Variants in DOCK5 observed in about 807,000 individuals in gnomAD.
DOCK5 encodes the protein dedicator of cytokinesis 5, also known as dedicator of cytokinesis protein 5.
DOCK5 carries 142 observed loss-of-function variants against 251.8 expected under a neutral mutation model. That is an observed-to-expected ratio of 0.56 (90% confidence interval 0.49 to 0.65). DOCK5 has a LOEUF of 0.65. Among genes scored for constraint, DOCK5 ranks in the 30% least tolerant of loss-of-function variants. DOCK5 has a pLI of 0.00. For synonymous variants in DOCK5, 842 were observed against 835.5 expected (o/e 1.01, Z -0.13); for missense variants, 2,111 against 2,312.3 (o/e 0.91, Z 1.79).
intron 1 of DOCK5, among the ~76,000 whole-genome samples, chr8:25,234,361 T>C (rs1455074788): frequency 6.6e-6 from 1 of 152,214 alleles, no homozygotes; most frequent in Admixed American, 6.5e-5. Flanking sequence ...TTAGATCTGT[T>C]CACCTTTTGT....
chr8:25,373,311 C>T (rs527618004), intron 35 of DOCK5, among the ~76,000 whole-genome samples: 3 of 152,210 alleles, frequency 2.0e-5, no homozygotes, highest in East Asian at 3.9e-4. Context: ...TAGGTTATTT[C>T]TTTAGTGGTG....
chr8:25,312,761 C>CAAAA (rs3085652), intron 13 of DOCK5, among the ~76,000 whole-genome samples: 7 of 113,830 alleles, frequency 6.1e-5, no homozygotes, highest in East Asian at 2.5e-4. Context: ...GACTCCGTCT[C>CAAAA]AAAAAAAAAA....
At chr8:25,356,180 CAG>C (rs1489007316) in intron 27 of DOCK5, among the ~76,000 whole-genome samples, 2 of 152,048 alleles carry the variant, frequency 1.3e-5, no homozygotes, top group African/African-American at 4.8e-5. Context: ...AGCCTGGTGA[CAG>C]AGCGAGACTC....
chr8:25,400,489 C>A (rs1563231584), intron 46 of DOCK5, among the ~76,000 whole-genome samples: 1 of 3,604 alleles, frequency 2.8e-4, no homozygotes, highest in Non-Finnish European at 4.2e-3. Flanking sequence ...CAGAGTGAGA[C>A]TCCATCTCAA....
intron 2 of DOCK5, among the ~76,000 whole-genome samples, chr8:25,245,800 C>G (rs145893608): frequency 6.6e-6 from 1 of 151,994 alleles, no homozygotes; most frequent in East Asian, 1.9e-4. Context: ...TTGGCCTCCC[C>G]AAGTACTGGA....
chr8:25,324,651 T>G (rs1805514618), intron 17 of DOCK5, among the ~76,000 whole-genome samples: 1 of 152,242 alleles, frequency 6.6e-6, no homozygotes, highest in Non-Finnish European at 1.5e-5. Flanking sequence ...TTGTCCCCAT[T>G]TTTTAATTAC....
chr8:25,361,821 T>C (rs527689151), intron 28 of DOCK5, among the ~76,000 whole-genome samples: 1 of 152,234 alleles, frequency 6.6e-6, no homozygotes, highest in African/African-American at 2.4e-5. Context: ...GTTACCCAGC[T>C]TGACCAGCAT....
intron 35 of DOCK5, 75 bp from the exon 36 acceptor site, chr8:25,373,543 T>C: frequency 3.6e-6 from 5 of 1,376,308 alleles, no homozygotes; most frequent in Non-Finnish European, 5.0e-6. Flanking sequence ...AAAGCAACAA[T>C]AGTGGTTTGT....
At chr8:25,265,171 C>T (rs1309375196) in intron 2 of DOCK5, among the ~76,000 whole-genome samples, 1 of 151,858 alleles carries the variant, frequency 6.6e-6, no homozygotes, top group East Asian at 1.9e-4. Context: ...CACCAGGGGA[C>T]CTTTTAGAAG....
chr8:25,321,520 C>A (rs1301595251), intron 16 of DOCK5, among the ~76,000 whole-genome samples: 1 of 152,162 alleles, frequency 6.6e-6, no homozygotes, highest in African/African-American at 2.4e-5. Context: ...CAGTTCAGAT[C>A]ATCAGGCATT....
At chr8:25,377,915 T>G (rs1800993610) in intron 38 of DOCK5, among the ~76,000 whole-genome samples, 1 of 151,390 alleles carries the variant, frequency 6.6e-6, no homozygotes, top group South Asian at 2.1e-4. Flanking sequence ...GGTTTCTTTT[T>G]TTTTTTTTTG....
chr8:25,301,031 C>A (rs1206397936), intron 9 of DOCK5, among the ~76,000 whole-genome samples: 1 of 152,140 alleles, frequency 6.6e-6, no homozygotes, highest in African/African-American at 2.4e-5. Context: ...AAAACCCTGT[C>A]TCTACTAAAG....
intron 51 of DOCK5, among the ~76,000 whole-genome samples, chr8:25,410,708 C>T (rs557070065): frequency 1.4e-4 from 19 of 140,152 alleles, no homozygotes; most frequent in Admixed American, 5.1e-4. Context: ...GTGATCCCCC[C>T]CACCCACCTC....
intron 1 of DOCK5, among the ~76,000 whole-genome samples, chr8:25,220,847 G>T (rs552970989): frequency 1.3e-5 from 2 of 152,002 alleles, no homozygotes; most frequent in Admixed American, 1.3e-4. Context: ...CAGGTGATCC[G>T]CCCACCTTGG....
rs548993760 is a variant in DOCK5 at position 25,193,345 on chromosome 8, T to C, written c.43+8394T>C. Among the ~76,000 whole-genome samples the C allele has an allele frequency of 2.0e-5, 3 of 152,090 alleles. No homozygotes were observed. In the East Asian group the frequency reaches 5.8e-4, roughly 29 times the overall value. On this transcript the variant is annotated intron_variant, in intron 1 of 51. Coordinates refer to ENST00000276440, the MANE Select transcript of DOCK5 (RefSeq NM_024940.8). ...ACTCATGCCTGAATGAAGAAACTTA[T>C]CTAACGTGTATTTTTTTTTTTAAGG...
chr8:25,314,057 A>T (rs985348790), intron 13 of DOCK5, among the ~76,000 whole-genome samples: 1 of 150,142 alleles, frequency 6.7e-6, no homozygotes, highest in Non-Finnish European at 1.5e-5. Flanking sequence ...AGACCTCTTT[A>T]ATGAATTCTA....
intron 1 of DOCK5, among the ~76,000 whole-genome samples, chr8:25,232,140 C>A (rs1292072481): frequency 6.6e-6 from 1 of 152,158 alleles, no homozygotes; most frequent in African/African-American, 2.4e-5. Context: ...TGATCTATGT[C>A]ATTTCTGGGT....
At chr8:25,410,925 G>GAGAGAGAGAC (rs1237550447) in intron 51 of DOCK5, among the ~76,000 whole-genome samples, 3 of 116,054 alleles carry the variant, frequency 2.6e-5, no homozygotes, top group Admixed American at 1.0e-4. Flanking sequence ...ATGGCAGCGA[G>GAGAGAGAGAC]AGAGAGAGAG....
chr8:25,213,866 A>C (rs2117483166), intron 1 of DOCK5, among the ~76,000 whole-genome samples: 1 of 152,100 alleles, frequency 6.6e-6, no homozygotes, highest in South Asian at 2.1e-4. Flanking sequence ...TGATTAGTAA[A>C]CCTGTTACAG....
Sources: gnomAD v4.1 joint callset for allele counts (sites outside exome capture counted in the v4.1 genomes callset) on GRCh38, gnomAD v4.1.1 for gene constraint, MANE v1.5 for transcripts, NCBI Gene and HGNC (gene_info 2026-07-23, HGNC 2026-07-21) for gene names.